The following COL18A1 variants were observed in gnomAD, a reference collection of about 807,000 sequenced individuals.
COL18A1 encodes collagen type XVIII alpha 1 chain, also known as collagen alpha-1(XVIII) chain.
Under a neutral mutation model 168.0 loss-of-function variants are expected in COL18A1, and 133 were observed. That is an observed-to-expected ratio of 0.79 (90% CI 0.69 to 0.91). COL18A1 has a LOEUF of 0.91. COL18A1 is among the 40% of genes least tolerant of loss of function. The pLI is 0.00. For missense variants in COL18A1, 2,126 were observed against 1,925.4 expected, an observed-to-expected ratio of 1.10 and a Z score of -1.95; for synonymous variants, 949 against 809.0, an observed-to-expected ratio of 1.17 and a Z score of -2.94.
intron 2 of COL18A1, among the ~76,000 whole-genome samples, chr21:45,465,054 G>A (rs1019240447): frequency 6.6e-6 from 1 of 152,204 alleles, no homozygotes; most frequent in Non-Finnish European, 1.5e-5. Flanking sequence ...CTGCATCTCA[G>A]GAGTCTCCAT....
intron 2 of COL18A1, among the ~76,000 whole-genome samples, chr21:45,458,580 C>T (rs1457373234): frequency 6.6e-6 from 1 of 152,182 alleles, no homozygotes; most frequent in African/African-American, 2.4e-5. Context: ...CGGAGCCACA[C>T]CCCACCTGGC....
At chr21:45,504,216 C>G in intron 33 of COL18A1, 162 bp downstream of exon 33, 2 of 945,750 alleles carry the variant, frequency 2.1e-6, no homozygotes, top group Non-Finnish European at 3.3e-6. Flanking sequence ...TCAGGATGTT[C>G]CTGTCCCCGG....
At chr21:45,447,547 A>G (rs192490731) in intron 2 of COL18A1, among the ~76,000 whole-genome samples, 259 of 152,314 alleles carry the variant, frequency 1.7e-3, no homozygotes, top group African/African-American at 5.8e-3. Flanking sequence ...TCCCATGTTT[A>G]TGGATTGGAA....
intron 15 of COL18A1, among the ~76,000 whole-genome samples, chr21:45,485,822 C>T (rs2036089115): frequency 6.6e-6 from 1 of 152,342 alleles, no homozygotes. Flanking sequence ...GGGTTTCCTT[C>T]CTCCAGCTGG....
chr21:45,503,456 A>AT (rs1230499378), intron 32 of COL18A1, among the ~76,000 whole-genome samples: 1 of 152,188 alleles, frequency 6.6e-6, no homozygotes, highest in Non-Finnish European at 1.5e-5. Context: ...CTACGCAGCC[A>AT]TAAAAAATGA....
Position 45,405,451 on chromosome 21 carries a change from C to G in COL18A1, c.84C>G (p.Val28=). 2 of 1,381,224 alleles carry G rather than the reference C, an allele frequency of 1.4e-6. No individual in the cohort carries two copies. Among genetic ancestry groups the G allele is most frequent in the Non-Finnish European group, 1.9e-6 (2 of 1,059,648 alleles). 85.6% of individuals were successfully genotyped at this position (1,381,224 alleles called of 1,614,324 possible). A position where few individuals can be genotyped will look rare whatever the true frequency, so the allele number is the denominator to read the frequency against. Residue 28 remains valine, a synonymous_variant, in exon 2 of 42, where the codon GTC becomes GTG. Transcript: ENST00000651438. ...CGCCCCTGGTCCTGCTGCTCGGGGT[C>G]CGCGCGGCCTCCGCGGAGCCAGGTA... The part of the protein sequence containing the change: ...VLAPLVLLLG[V]RAASAEPERI...
intron 9 of COL18A1, among the ~76,000 whole-genome samples, chr21:45,479,548 A>G (rs890482228): frequency 1.3e-5 from 2 of 148,640 alleles, no homozygotes; most frequent in Admixed American, 1.3e-4. Context: ...CACACATCAC[A>G]CATACATATC....
At chr21:45,510,951 A>AC (rs373483892) in intron 40 of COL18A1, among the ~76,000 whole-genome samples, 160 bp from the exon 41 acceptor site, 60 of 98,804 alleles carry the variant, frequency 6.1e-4, no homozygotes, top group Admixed American at 1.1e-3. Flanking sequence ...ACACACCCAC[A>AC]ACACCCCACA....
intron 2 of COL18A1, among the ~76,000 whole-genome samples, chr21:45,435,244 G>T (rs1295000319): frequency 7.9e-6 from 1 of 126,664 alleles, no homozygotes; most frequent in Admixed American, 8.3e-5. Flanking sequence ...GGGTGGGGGC[G>T]GGAGGAGAGA....
rs370964335 is a variant in COL18A1, at chr21:45,422,587, G to T, written c.106+17114G>T. 13 of 464,322 alleles carry T rather than the reference G, an allele frequency of 2.8e-5. No homozygotes were observed. In the East Asian group the frequency reaches 3.2e-4, roughly 11 times the overall value. The allele number at this position is 464,322 out of a possible 1,614,324, so 28.8% of individuals were successfully genotyped here. A position where few individuals can be genotyped will look rare whatever the true frequency, so the allele number is the denominator to read the frequency against. Reference sequence around the variant, plus strand: ...CATCTGTGAGTCGCCGTCCTGTGCGGGTCTCAGGGCACAGTGGGTGGCACG... The same window carrying T: ...CATCTGTGAGTCGCCGTCCTGTGCGTGTCTCAGGGCACAGTGGGTGGCACG... On this transcript the variant is annotated intron_variant, in intron 2 of 41. Transcript: ENST00000651438.
At position 45,487,467 on chromosome 21, in the gene COL18A1, G is replaced by A; in HGVS notation, c.1854G>A (p.Gly618=). 1 of 1,613,136 alleles carries A rather than the reference G, an allele frequency of 6.2e-7. No individual in the cohort carries two copies. Among genetic ancestry groups the A allele is most frequent in the Non-Finnish European group, 8.5e-7 (1 of 1,179,996 alleles). ...PAGFDDMEGS[G]GPFWSTARSA... is the part of the protein sequence containing the mutation. The stretch of plus-strand genomic sequence containing the variant: ...TCCAGGATGACATGGAAGGCTCCGG[G>A]GGGCCCTTCTGGTCAACAGCCCGAA... The change falls in exon 17 of 42, where the codon GGG becomes GGA. Residue 618 remains glycine, a synonymous_variant. Transcript: ENST00000651438.
At chr21:45,484,807 G>A (rs1039011356) in intron 15 of COL18A1, among the ~76,000 whole-genome samples, 4 of 152,178 alleles carry the variant, frequency 2.6e-5, no homozygotes, top group African/African-American at 9.7e-5. Flanking sequence ...TACACATGTA[G>A]GCTTTGAGTT....
chr21:45,467,264 G>C (rs2035245641), intron 2 of COL18A1: 2 of 985,442 alleles, frequency 2.0e-6, no homozygotes, highest in African/African-American at 1.7e-5. Flanking sequence ...TGGGCTCCCT[G>C]GGCGAGGGAT....
In COL18A1 at chr21:45,487,494, C is replaced by A. The variant is rs370015560; in HGVS notation, c.1881C>A (p.Ser627Arg). Residue 627 changes from serine to arginine, a missense_variant, in exon 17 of 42, where the codon AGC becomes AGA. By Grantham distance (110) the Ser-to-Arg change is moderately radical (BLOSUM62 -1). Coordinates refer to ENST00000651438, the MANE Select transcript of COL18A1 (RefSeq NM_001379500.1). ...SGGPFWSTAR[S>R]ADGPQGPPGL... Reference sequence around the variant, plus strand: ...GGCCCTTCTGGTCAACAGCCCGAAGCGCTGATGGGCCACAGGTAGTGTTGT... The same window carrying A: ...GGCCCTTCTGGTCAACAGCCCGAAGAGCTGATGGGCCACAGGTAGTGTTGT... 7 of 1,613,034 alleles carry A rather than the reference C, an allele frequency of 4.3e-6. No homozygotes were observed. Among genetic ancestry groups the A allele is most frequent in the Non-Finnish European group, 5.9e-6 (7 of 1,179,992 alleles).
chr21:45,472,814 C>T (rs962840209), intron 3 of COL18A1, among the ~76,000 whole-genome samples: 1 of 152,208 alleles, frequency 6.6e-6, no homozygotes, highest in Admixed American at 6.5e-5. Flanking sequence ...CCCCCCCACG[C>T]ATGAGCTCAC....
chr21:45,455,927 C>A (rs1343035539), intron 2 of COL18A1: 1 of 1,613,078 alleles, frequency 6.2e-7, no homozygotes, highest in East Asian at 2.2e-5. Flanking sequence ...TGACACTGTC[C>A]CCACTGAGAG....
intron 3 of COL18A1, among the ~76,000 whole-genome samples, 180 bp downstream of exon 3, chr21:45,468,966 G>A (rs943900309): frequency 2.6e-5 from 4 of 152,084 alleles, no homozygotes; most frequent in Non-Finnish European, 5.9e-5. Context: ...CCTGGCCTCC[G>A]GCGCAGGCCT....
At chr21:45,472,502 C>T (rs1051442581) in intron 3 of COL18A1, among the ~76,000 whole-genome samples, 4 of 152,210 alleles carry the variant, frequency 2.6e-5, no homozygotes, top group East Asian at 1.9e-4. Context: ...TGAGCCACTG[C>T]GCCCGGCCGA....
At chr21:45,451,239 G>A (rs1208360396) in intron 2 of COL18A1, among the ~76,000 whole-genome samples, 1 of 152,242 alleles carries the variant, frequency 6.6e-6, no homozygotes, top group East Asian at 1.9e-4. Flanking sequence ...CCACAGCACT[G>A]TAGCCTAGCA....
Sources: allele counts gnomAD v4.1 joint callset (sites outside exome capture counted in the v4.1 genomes callset), GRCh38; gene constraint gnomAD v4.1.1; transcripts MANE v1.5; gene names NCBI Gene and HGNC (gene_info 2026-07-23, HGNC 2026-07-21).